SALL1: variants seen among roughly 807,000 people sequenced by gnomAD.
SALL1 encodes sal-like protein 1.
Under a neutral mutation model 73.1 loss-of-function variants are expected in SALL1, and 10 were observed. The observed-to-expected ratio is 0.14, with a 90% CI of 0.08 to 0.23. The LOEUF (loss-of-function observed/expected upper bound fraction) is 0.23, where lower values mean the gene tolerates loss of function less well. SALL1 is among the 10% of genes least tolerant of loss of function. The pLI, the probability that SALL1 is intolerant of heterozygous loss-of-function variation, is 1.00. For missense variants in SALL1, 1,520 were observed against 1,697.3 expected (o/e 0.90, Z 1.84); for synonymous variants, 688 against 689.8 (o/e 1.00, Z 0.04).
chr16:51,140,258 G>A lies in SALL1; in HGVS notation c.1964C>T (p.Ala655Val). 6.2e-7 allele frequency: 1 copy of A among 1,614,138 alleles called. No homozygotes were observed. The highest frequency in any genetic ancestry group is 1.1e-5 in the South Asian group (1 of 91,080). Residue 655 changes from alanine to valine, a missense_variant, in exon 2 of 3, where the codon GCC (alanine) becomes GTC (valine). Transcript: ENST00000251020. This position sits in a 1 kb window ranked among gnomAD's most constrained non-coding sequence, Gnocchi z 5.7. The part of the protein sequence containing the change: ...PAADCGPAGS[A>V]TTFTNPLLPL... ...CAACAAAGGGTTGGTGAAGGTGGTG[G>A]CACTGCCCGCGGGGCCGCAGTCTGC...
rs1962427803 is a variant in SALL1, at chr16:51,141,458, A to G, written c.764T>C (p.Leu255Ser). Residue 255 changes from leucine to serine, a missense_variant, in exon 2 of 3, where the codon TTG becomes TCG. Physicochemically the swap from Leu to Ser is moderately radical, Grantham distance 145 (BLOSUM62 -2). Transcript: ENST00000251020. This position sits in a 1 kb window ranked among gnomAD's most constrained non-coding sequence, Gnocchi z 5.4. ...GTCTGCATTCTGAGAAGCCAACAGC[A>G]ATATTTGGTGACGAATCTGTTCGAT... ...QLIEQIRHQI[L>S]LLASQNADLP... 1 of 1,614,068 alleles carries G rather than the reference A, an allele frequency of 6.2e-7. No individual in the cohort carries two copies. The highest frequency in any genetic ancestry group is 8.5e-7 in the Non-Finnish European group (1 of 1,180,042).
At position 51,141,247 on chromosome 16, in the gene SALL1, A is replaced by G; in HGVS notation, c.975T>C (p.Ser325=). 6.2e-7 allele frequency: 1 copy of G among 1,614,124 alleles called. No homozygotes were observed. The highest frequency in any genetic ancestry group is 8.5e-7 in the Non-Finnish European group (1 of 1,180,018). The change falls in exon 2 of 3, where the codon AGT becomes AGC. Residue 325 remains serine, a synonymous_variant. Transcript: ENST00000251020. The surrounding 1 kb of genome is among the most constrained non-coding windows in gnomAD (Gnocchi z 5.4). Reference sequence around the variant, plus strand: ...TGGATGGAATGATGGTGTTGCCAGAACTGCTCTGAGGTAGCTGGATTGGGG... The same window carrying G: ...TGGATGGAATGATGGTGTTGCCAGAGCTGCTCTGAGGTAGCTGGATTGGGG... The part of the protein sequence containing the change: ...QLPPIQLPQS[S]SGNTIIPSNS...
chr16:51,148,478 ATGTT>A (rs1381786985), intron 1 of SALL1, among the ~76,000 whole-genome samples: 1 of 152,266 alleles, frequency 6.6e-6, no homozygotes, highest in Non-Finnish European at 1.5e-5. Context: ...AGTAATCAGA[ATGTT>A]TGAAAAGGGG....
chr16:51,147,223 C>T (rs73585429), intron 1 of SALL1, among the ~76,000 whole-genome samples: 12,308 of 152,294 alleles, frequency 0.081, 599 homozygotes, highest in East Asian at 0.13. Flanking sequence ...AACCACAAAA[C>T]ATTCAGTATC....
At position 51,141,682 on chromosome 16, in the gene SALL1, C is replaced by T. The variant is rs778212303; in HGVS notation, c.540G>A (p.Gly180=). Residue 180 remains glycine, a synonymous_variant, in exon 2 of 3, where the codon GGG becomes GGA. Transcript: ENST00000251020. This position sits in a 1 kb window ranked among gnomAD's most constrained non-coding sequence, Gnocchi z 5.4. Reference sequence around the variant, plus strand: ...AGAAGTTGCCCAGTGTTGTCAGGTCCCCGAGTTGAGGTAGAGAGGTTGTGA... The same window carrying T: ...AGAAGTTGCCCAGTGTTGTCAGGTCTCCGAGTTGAGGTAGAGAGGTTGTGA... ...SAITTSLPQL[G]DLTTLGNFSV... The T allele has an allele frequency of 1.2e-6, 2 of 1,613,504 alleles. No homozygotes were observed. The highest frequency in any genetic ancestry group is 1.7e-5 in the Admixed American group (1 of 60,002).
At position 51,140,694 on chromosome 16, in the gene SALL1, G is replaced by C. The variant is rs1962408190; in HGVS notation, c.1528C>G (p.Pro510Ala). ...KEKYPHIQMN[P>A]YPVPEHLDNI... ...TCCAAATGCTCAGGCACAGGATAGG[G>C]GTTCATCTGGATATGAGGGTATTTC... Residue 510 changes from proline to alanine, a missense_variant, in exon 2 of 3, where the codon CCC (proline) becomes GCC (alanine). Transcript: ENST00000251020. This position sits in a 1 kb window ranked among gnomAD's most constrained non-coding sequence, Gnocchi z 5.7. The C allele has an allele frequency of 6.2e-7, 1 of 1,614,022 alleles. No individual in the cohort carries two copies. The highest frequency in any genetic ancestry group is 8.5e-7 in the Non-Finnish European group (1 of 1,180,032).
At chr16:51,138,162 A>G (rs544796544) in intron 2 of SALL1, among the ~76,000 whole-genome samples, 10 of 152,346 alleles carry the variant, frequency 6.6e-5, no homozygotes, top group African/African-American at 2.4e-4. Context: ...TTTCCAACAC[A>G]TATCAGTAGG....
rs142868919 is a variant in SALL1, at chr16:51,141,799, G to A, written c.423C>T (p.Ser141=). ...VANKSGSGTS[S]GSHSSTAPSS... is the part of the protein sequence containing the mutation. ...TTGGGGCGGTACTGCTGTGGCTGCC[G>A]CTGGAAGTGCCGCTGCCGCTTTTGT... Residue 141 remains serine, a synonymous_variant, in exon 2 of 3, where the codon AGC becomes AGT. Transcript: ENST00000251020. This position sits in a 1 kb window ranked among gnomAD's most constrained non-coding sequence, Gnocchi z 5.4. 35 of 1,613,662 alleles carry A rather than the reference G, an allele frequency of 2.2e-5. No individual in the cohort carries two copies. Among genetic ancestry groups the A allele is most frequent in the Middle Eastern group, 1.7e-4 (1 of 5,880 alleles).
chr16:51,151,276 A>T (rs1962599801), upstream of SALL1: 1 of 1,449,804 alleles, frequency 6.9e-7, no homozygotes, highest in East Asian at 2.7e-5. Flanking sequence ...AGAATAAAAA[A>T]TTACTAAAAA....
chr16:51,148,454 A>G (rs1345582458), intron 1 of SALL1, among the ~76,000 whole-genome samples: 12 of 152,252 alleles, frequency 7.9e-5, no homozygotes, highest in Admixed American at 7.8e-4. Context: ...AGACCATCTC[A>G]AGACATAAGA....
chr16:51,136,928 T>C lies in SALL1; in HGVS notation c.*184A>G. On this transcript the variant is annotated 3_prime_UTR_variant, in exon 3 of 3. Transcript: ENST00000251020. Reference sequence around the variant, plus strand: ...TTGCAAAGCAAGGTTATATCGCTAATAAATAAGCTTTCTTAGAACTCTAAA... The same window carrying C: ...TTGCAAAGCAAGGTTATATCGCTAACAAATAAGCTTTCTTAGAACTCTAAA... 1.6e-6 allele frequency: 1 copy of C among 609,714 alleles called. No homozygotes were observed. The highest frequency in any genetic ancestry group is 2.8e-5 in the East Asian group (1 of 35,462). The allele number at this position is 609,714 out of a possible 1,614,324, so 37.8% of individuals were successfully genotyped here. A position where few individuals can be genotyped will look rare whatever the true frequency, so the allele number is the denominator to read the frequency against.
rs370527770 is a variant in SALL1 at position 51,141,983 on chromosome 16, G to T, written c.239C>A (p.Ser80Tyr). ...LVLIVNENPA[S>Y]PPETFSPSPP... ...GCTGGGGGAGAAGGTTTCGGGTGGGGAGGCTGGATTTTCATTTACGATTAA... is the reference window on the plus strand; with the variant it reads ...GCTGGGGGAGAAGGTTTCGGGTGGGTAGGCTGGATTTTCATTTACGATTAA... The change falls in exon 2 of 3, where the codon TCC becomes TAC. Residue 80 changes from serine (S) to tyrosine (Y), a missense_variant. This residue lies in a region of SALL1 where 540 missense variants were observed against 567.5 expected (regional missense o/e 0.95). Transcript: ENST00000251020. This position sits in a 1 kb window ranked among gnomAD's most constrained non-coding sequence, Gnocchi z 5.4. 5.5e-5 allele frequency: 88 copies of T among 1,613,888 alleles called. No homozygotes were observed. The highest frequency in any genetic ancestry group is 7.2e-5 in the Non-Finnish European group (85 of 1,180,012).
At chr16:51,147,625 T>C (rs1962537790) in intron 1 of SALL1, among the ~76,000 whole-genome samples, 1 of 152,240 alleles carries the variant, frequency 6.6e-6, no homozygotes, top group South Asian at 2.1e-4. Context: ...GTTAGTGTTT[T>C]ATCTGCAATT....
In SALL1 at chr16:51,139,660, C is replaced by T. The variant is rs758297527; in HGVS notation, c.2562G>A (p.Ser854=). The change falls in exon 2 of 3, where the codon TCG becomes TCA. Residue 854 remains serine, a synonymous_variant. Coordinates refer to ENST00000251020, the MANE Select transcript of SALL1 (RefSeq NM_002968.3). ...ADASQDSLSS[S]PLPLEMSSIA... is the part of the protein sequence containing the mutation. ...TGCTCGACATCTCGAGGGGCAAAGG[C>T]GAAGAGGATAAGCTGTCTTGGGAGG... is the stretch of plus-strand genomic sequence containing the variant. 2.4e-5 allele frequency: 38 copies of T among 1,613,940 alleles called. No homozygotes were observed. In the South Asian group the frequency reaches 2.4e-4, roughly 10 times the overall value.
chr16:51,139,242 C>T lies in SALL1; in HGVS notation c.2980G>A (p.Asp994Asn). ...DSLGILFPFR[D>N]RGKFKNTACD... ...GCAGTGTTTTTAAATTTACCCCGGT[C>T]TCTAAAAGGGAAGAGGATCCCCAAA... The change falls in exon 2 of 3, where the codon GAC (aspartate) becomes AAC (asparagine). Residue 994 changes from aspartate to asparagine, a missense_variant. By Grantham distance (23) the Asp-to-Asn change is conservative. Transcript: ENST00000251020. 6.2e-7 allele frequency: 1 copy of T among 1,614,200 alleles called. No individual in the cohort carries two copies. The highest frequency in any genetic ancestry group is 8.5e-7 in the Non-Finnish European group (1 of 1,180,050).
intron 1 of SALL1, among the ~76,000 whole-genome samples, chr16:51,144,695 A>G (rs1325082679): frequency 2.6e-5 from 4 of 152,222 alleles, no homozygotes; most frequent in African/African-American, 9.6e-5. Flanking sequence ...GCTGATTATT[A>G]CTTTCCTGCA....
chr16:51,141,502 C>T lies in SALL1; in HGVS notation c.720G>A (p.Gln240=), dbSNP rs527415423. Residue 240 remains glutamine (Q), a synonymous_variant, in exon 2 of 3, where the codon CAG becomes CAA. Transcript: ENST00000251020. This position sits in a 1 kb window ranked among gnomAD's most constrained non-coding sequence, Gnocchi z 5.4. ...MEQLLALQQQ[Q]IHQLQLIEQI... is the part of the protein sequence containing the mutation. Reference sequence around the variant, plus strand: ...GTTCGATCAATTGCAGCTGGTGGATCTGCTGCTGCTGCAGAGCTAGGAGTT... The same window carrying T: ...GTTCGATCAATTGCAGCTGGTGGATTTGCTGCTGCTGCAGAGCTAGGAGTT... 6.2e-7 allele frequency: 1 copy of T among 1,613,480 alleles called. No homozygotes were observed. Among genetic ancestry groups the T allele is most frequent in the Non-Finnish European group, 8.5e-7 (1 of 1,179,582 alleles).
At chr16:51,151,751 C>A (rs1035558548), upstream of SALL1, among the ~76,000 whole-genome samples, 4 of 151,666 alleles carry the variant, frequency 2.6e-5, no homozygotes, top group Admixed American at 6.6e-5. Flanking sequence ...TTCGCCCCCC[C>A]CCACAATCCC....
rs749094660 is a variant in SALL1 at position 51,139,543 on chromosome 16, G to A, written c.2679C>T (p.Ile893=). The A allele has an allele frequency of 1.2e-5, 19 of 1,614,178 alleles. No homozygotes were observed. The East Asian group carries it at 2.0e-4, about 17-fold the overall frequency. ...ASLKSVENGS[I]EGDVLTNDSS... ...AATCATTGGTCAGGACATCCCCCTC[G>A]ATGGACCCATTCTCCACTGACTTCA... The change falls in exon 2 of 3, where the codon ATC becomes ATT. Residue 893 remains isoleucine, a synonymous_variant. Transcript: ENST00000251020.
Sources: gnomAD v4.1 joint callset for allele counts (sites outside exome capture counted in the v4.1 genomes callset) on GRCh38, gnomAD v4.1.1 for gene constraint, gnomAD v4.1.1 regional missense constraint, Gnocchi (gnomAD v3.1) non-coding constraint, MANE v1.5 for transcripts, NCBI Gene and HGNC (gene_info 2026-07-23, HGNC 2026-07-21) for gene names.